The following MUSK variants were observed in gnomAD, a reference collection of about 807,000 sequenced individuals.
MUSK encodes muscle, skeletal receptor tyrosine-protein kinase.
A neutral mutation model predicts 88.7 loss-of-function variants in MUSK; 55 were observed. The ratio of observed to expected loss-of-function variants is 0.62; its 90% confidence interval spans 0.50 to 0.78. The LOEUF (loss-of-function observed/expected upper bound fraction) is 0.78. MUSK is among the 30% of genes least tolerant of loss of function. The pLI, the probability that MUSK is intolerant of heterozygous loss-of-function variation, is 0.00. For synonymous variants in MUSK, 387 were observed against 391.9 expected, an observed-to-expected ratio of 0.99 and a Z score of 0.15; for missense variants, 1,015 against 1,074.3, an observed-to-expected ratio of 0.94 and a Z score of 0.77.
intron 6 of MUSK, among the ~76,000 whole-genome samples, chr9:110,739,714 C>T (rs1321832200): frequency 6.6e-6 from 1 of 152,132 alleles, no homozygotes; most frequent in East Asian, 1.9e-4. Flanking sequence ...TACTGCACAG[C>T]AGTAAAACAC....
At chr9:110,762,005 A>G (rs1284270187) in intron 7 of MUSK, 197 bp from the exon 8 acceptor site, 1 of 907,844 alleles carries the variant, frequency 1.1e-6, no homozygotes, top group African/African-American at 1.8e-5. Context: ...AAGATACTCA[A>G]TATTTTCTTC....
chr9:110,736,313 A>C (rs1410117941), intron 6 of MUSK, among the ~76,000 whole-genome samples: 3 of 152,132 alleles, frequency 2.0e-5, no homozygotes, highest in Admixed American at 2.0e-4. Flanking sequence ...TTTTAAACAG[A>C]AAGTTAGACC....
intron 3 of MUSK, among the ~76,000 whole-genome samples, chr9:110,689,739 A>ATATT (rs1564217984): frequency 9.5e-5 from 1 of 10,488 alleles, no homozygotes; most frequent in African/African-American, 3.6e-4. Flanking sequence ...GTTTATATAT[A>ATATT]ATATTATATA....
Position 110,804,012 on chromosome 9 carries a change from A to G in MUSK, c.*3024A>G, listed in dbSNP as rs979028188. ...AGTATTTTTCACATGACACCCAAAA[A>G]CATATTCTCTGCTATCGTGGTAGAG... On this transcript the variant is annotated 3_prime_UTR_variant, in exon 15 of 15. Transcript: ENST00000374448. Among the ~76,000 whole-genome samples, 1 of 152,100 alleles carries G rather than the reference A, an allele frequency of 6.6e-6. No individual in the cohort carries two copies. The highest frequency in any genetic ancestry group is 1.5e-5 in the Non-Finnish European group (1 of 68,004).
Position 110,747,722 on chromosome 9 carries a change from C to T in MUSK, c.835C>T (p.Leu279Phe). The T allele has an allele frequency of 1.2e-6, 2 of 1,613,802 alleles. No homozygotes were observed. The highest frequency in any genetic ancestry group is 1.7e-6 in the Non-Finnish European group (2 of 1,179,776). ...GCAGCTGTTTATCACCAAGCCAGGA[C>T]TCTACACATGCATAGCTACCAATAA... Reference protein sequence around the residue: ...RLQLFITKPGLYTCIATNKHG... With the variant: ...RLQLFITKPGFYTCIATNKHG... The change falls in exon 7 of 15, where the codon CTC becomes TTC. Residue 279 changes from leucine (L) to phenylalanine (F), a missense_variant. By Grantham distance (22) the Leu-to-Phe change is conservative. Transcript: ENST00000374448.
chr9:110,767,469 C>A (rs1170400321), intron 8 of MUSK, among the ~76,000 whole-genome samples: 3 of 152,192 alleles, frequency 2.0e-5, no homozygotes, highest in Admixed American at 1.3e-4. Flanking sequence ...GATGAAATGT[C>A]TTCCAGATGC....
intron 8 of MUSK, among the ~76,000 whole-genome samples, chr9:110,766,756 A>T (rs886211070): frequency 6.6e-6 from 1 of 152,240 alleles, no homozygotes; most frequent in Non-Finnish European, 1.5e-5. Context: ...TAAATTCGAT[A>T]GTTGTACAAA....
At chr9:110,757,739 TTTGA>T (rs1437103352) in intron 7 of MUSK, among the ~76,000 whole-genome samples, 1 of 152,110 alleles carries the variant, frequency 6.6e-6, no homozygotes, top group Non-Finnish European at 1.5e-5. Context: ...AAACGAACCT[TTTGA>T]TTATTATTGT....
chr9:110,766,359 C>T lies in MUSK; in HGVS notation c.921-1461C>T, dbSNP rs150868950. 5.3e-5 allele frequency among the ~76,000 whole-genome samples: 8 copies of T among 152,282 alleles called. No homozygotes were observed. In the East Asian group the frequency reaches 1.4e-3, roughly 26 times the overall value. ...CTGTCTAATTTTCTCTGGGGGTTTT[C>T]TCACCTTTACCTTGAGAAAGTTTTT... On this transcript the variant is annotated intron_variant, in intron 8 of 14. Transcript: ENST00000374448.
intron 7 of MUSK, chr9:110,761,764 T>TG (rs945807406): frequency 2.0e-4 from 40 of 196,884 alleles, no homozygotes; most frequent in African/African-American, 8.5e-4. Context: ...TTAGTAGAGA[T>TG]GGGGTTTCAC....
At chr9:110,723,013 A>G (rs181544285) in intron 5 of MUSK, among the ~76,000 whole-genome samples, 2 of 152,154 alleles carry the variant, frequency 1.3e-5, no homozygotes, top group African/African-American at 2.4e-5. Flanking sequence ...CATTTGATCC[A>G]GCAATCCCAC....
chr9:110,700,673 C>G (rs2076490460), intron 5 of MUSK, among the ~76,000 whole-genome samples: 1 of 151,976 alleles, frequency 6.6e-6, no homozygotes, highest in Admixed American at 6.6e-5. Flanking sequence ...TGACACTGAG[C>G]TCAGAGAGAA....
chr9:110,800,819 A>G lies in MUSK; in HGVS notation c.2441A>G (p.Tyr814Cys), dbSNP rs774652957. 6.2e-6 allele frequency: 10 copies of G among 1,613,176 alleles called. No homozygotes were observed. The Admixed American group carries it at 8.3e-5, about 13-fold the overall frequency. ...YGMAHEEVIYYVRDGNILSCP... is the reference protein window; with the variant it reads ...YGMAHEEVIYCVRDGNILSCP... ...ATGGCCCATGAGGAGGTCATTTACT[A>G]CGTGCGAGATGGCAACATCCTCTCC... The change falls in exon 15 of 15, where the codon TAC becomes TGC. Residue 814 changes from tyrosine (Y) to cysteine (C), a missense_variant. Physicochemically the swap from Tyr to Cys is radical, Grantham distance 194. Coordinates refer to ENST00000374448, the MANE Select transcript of MUSK (RefSeq NM_005592.4).
intron 1 of MUSK, among the ~76,000 whole-genome samples, chr9:110,680,410 G>A (rs1390513092): frequency 7.0e-6 from 1 of 142,618 alleles, no homozygotes; most frequent in Non-Finnish European, 1.5e-5. Context: ...CTGAGACAGA[G>A]TCTCCCTCTA....
At chr9:110,785,784 T>A in intron 13 of MUSK, 66 bp downstream of exon 13, 8 of 1,141,402 alleles carry the variant, frequency 7.0e-6, no homozygotes, top group Non-Finnish European at 8.6e-6. Context: ...TACCAAACTA[T>A]TAGCTTGGTA....
chr9:110,740,732 T>C (rs2077086647), intron 6 of MUSK, among the ~76,000 whole-genome samples: 1 of 152,166 alleles, frequency 6.6e-6, no homozygotes, highest in Non-Finnish European at 1.5e-5. Flanking sequence ...ATTTGTATAC[T>C]GCTTTTAAAT....
At chr9:110,719,886 A>G (rs547327548) in intron 5 of MUSK, among the ~76,000 whole-genome samples, 1 of 152,246 alleles carries the variant, frequency 6.6e-6, no homozygotes, top group East Asian at 1.9e-4. Flanking sequence ...AATTATATCA[A>G]ATATTCTCTC....
intron 1 of MUSK, among the ~76,000 whole-genome samples, chr9:110,674,684 C>T (rs2131627661): frequency 6.6e-6 from 1 of 152,218 alleles, no homozygotes; most frequent in African/African-American, 2.4e-5. Context: ...TCACAGCTCA[C>T]TGAAACTTTG....
chr9:110,787,662 T>C lies in MUSK; in HGVS notation c.1779-28T>C, dbSNP rs531659662. On this transcript the variant is annotated intron_variant, in intron 13 of 14. Coordinates refer to ENST00000374448, the MANE Select transcript of MUSK (RefSeq NM_005592.4). The stretch of plus-strand genomic sequence containing the variant: ...AAGATATGATGTCCATGATCTTTGG[T>C]TTCTTTTTCAATAAATGTATCTCTC... The C allele has an allele frequency of 1.9e-6, 3 of 1,607,698 alleles. No homozygotes were observed. The South Asian group carries it at 3.3e-5, about 18-fold the overall frequency.
Sources: allele counts gnomAD v4.1 joint callset (sites outside exome capture counted in the v4.1 genomes callset), GRCh38; gene constraint gnomAD v4.1.1; transcripts MANE v1.5; gene names NCBI Gene and HGNC (gene_info 2026-07-23, HGNC 2026-07-21).